LMAN2L: variants seen among roughly 807,000 people sequenced by gnomAD.
LMAN2L encodes the protein VIP36-like protein.
Under a neutral mutation model 44.3 loss-of-function variants are expected in LMAN2L, and 30 were observed. The observed-to-expected ratio is 0.68, with a 90% CI of 0.51 to 0.92. LMAN2L has a LOEUF of 0.92. Among genes scored for constraint, LMAN2L ranks in the 40% least tolerant of loss-of-function variants. The pLI, the probability that LMAN2L is intolerant of heterozygous loss-of-function variation, is 0.00. For synonymous variants in LMAN2L, 183 were observed against 171.1 expected (o/e 1.07, Z -0.54); for missense variants, 429 against 446.1 (o/e 0.96, Z 0.35).
Position 96,734,482 on chromosome 2 carries a change from G to A in LMAN2L, c.351C>T (p.Ile117=). Residue 117 remains isoleucine, a synonymous_variant, in exon 3 of 8, where the codon ATC becomes ATT. Transcript: ENST00000264963. The stretch of plus-strand genomic sequence containing the variant: ...GCAGATTCTTCTTTCCTTGTCCATG[G>A]ATTTTGAAGTGCACCTGCAACTCCC... ...RDWELQVHFK[I]HGQGKKNLHG... 6.2e-7 allele frequency: 1 copy of A among 1,613,796 alleles called. No individual in the cohort carries two copies. Among genetic ancestry groups the A allele is most frequent in the Non-Finnish European group, 8.5e-7 (1 of 1,179,682 alleles).
Position 96,739,879 on chromosome 2 carries a change from C to A in LMAN2L, c.162G>T (p.Glu54Asp). The change falls in exon 1 of 8, where the codon GAG becomes GAT. Residue 54 changes from glutamate to aspartate, a missense_variant. Glu to Asp is a conservative substitution (Grantham distance 45). Coordinates refer to ENST00000264963, the MANE Select transcript of LMAN2L (RefSeq NM_030805.4). ...CCTGGTAGGGCTTCGACAGCGAGTG[C>A]TCCCGTTTCAAGTACTCGAACGTTT... The part of the protein sequence containing the change: ...AGQTFEYLKR[E>D]HSLSKPYQGV... 6.2e-7 allele frequency: 1 copy of A among 1,613,962 alleles called. No homozygotes were observed. Among genetic ancestry groups the A allele is most frequent in the African/African-American group, 1.3e-5 (1 of 75,026 alleles).
intron 4 of LMAN2L, among the ~76,000 whole-genome samples, chr2:96,726,526 T>C (rs2078275142): frequency 6.6e-6 from 1 of 152,162 alleles, no homozygotes; most frequent in South Asian, 2.1e-4. Context: ...CTCACGCCTG[T>C]AATCCCAGCA....
In LMAN2L at chr2:96,706,611, C is replaced by A. The variant is rs2077786662; in HGVS notation, c.*645G>T. The A allele has an allele frequency of 6.6e-6, 1 of 152,400 alleles. No individual in the cohort carries two copies. The highest frequency in any genetic ancestry group is 1.9e-4 in the East Asian group (1 of 5,202). The allele number at this position is 152,400 out of a possible 1,614,324, so 9.4% of individuals were successfully genotyped here. A position where few individuals can be genotyped will look rare whatever the true frequency, so the allele number is the denominator to read the frequency against. On this transcript the variant is annotated 3_prime_UTR_variant, in exon 8 of 8. Coordinates refer to ENST00000264963, the MANE Select transcript of LMAN2L (RefSeq NM_030805.4). ...AGTGATCCAAAGCAGAAAGCCATCTCCCTAGGGCCACCTAATGAAGGCCAG... is the reference window on the plus strand; with the variant it reads ...AGTGATCCAAAGCAGAAAGCCATCTACCTAGGGCCACCTAATGAAGGCCAG...
At chr2:96,713,184 G>C in intron 4 of LMAN2L, 1 of 1,513,492 alleles carries the variant, frequency 6.6e-7, no homozygotes, top group Non-Finnish European at 9.0e-7. Flanking sequence ...AGAGGGCACA[G>C]AAGACAGGAG....
intron 4 of LMAN2L, among the ~76,000 whole-genome samples, chr2:96,732,501 G>A (rs1227957824): frequency 2.0e-5 from 3 of 151,782 alleles, no homozygotes; most frequent in African/African-American, 7.2e-5. Context: ...AAAGTTAGCT[G>A]GGTGTGGTGG....
At chr2:96,720,290 T>C (rs1377786685) in intron 4 of LMAN2L, among the ~76,000 whole-genome samples, 1 of 152,134 alleles carries the variant, frequency 6.6e-6, no homozygotes, top group Non-Finnish European at 1.5e-5. Flanking sequence ...TTACACTCTG[T>C]GCTCTCATTC....
chr2:96,728,460 C>T (rs1273060870), intron 4 of LMAN2L, among the ~76,000 whole-genome samples: 1 of 147,774 alleles, frequency 6.8e-6, no homozygotes. Context: ...GAGCTGAGAT[C>T]GCACCACTGC....
At chr2:96,715,904 CTG>C (rs1330570696) in intron 4 of LMAN2L, among the ~76,000 whole-genome samples, 1 of 152,168 alleles carries the variant, frequency 6.6e-6, no homozygotes, top group African/African-American at 2.4e-5. Context: ...TATTTCCTCA[CTG>C]TAAACAGAAC....
At position 96,715,440 on chromosome 2, in the gene LMAN2L, T is replaced by G. The variant is rs547171788; in HGVS notation, c.508-3415A>C. On this transcript the variant is annotated intron_variant, in intron 4 of 7. Transcript: ENST00000264963. ...CTTATTTTCTACGCCTAGTCAAGAGTTCCTGGAAGTATTTCTTGGATAACC... is the reference window on the plus strand; with the variant it reads ...CTTATTTTCTACGCCTAGTCAAGAGGTCCTGGAAGTATTTCTTGGATAACC... Among the ~76,000 whole-genome samples the G allele has an allele frequency of 7.2e-5, 11 of 152,284 alleles. No homozygotes were observed. The East Asian group carries it at 2.1e-3, about 29-fold the overall frequency.
At chr2:96,730,778 G>A (rs1309037707) in intron 4 of LMAN2L, among the ~76,000 whole-genome samples, 4 of 152,092 alleles carry the variant, frequency 2.6e-5, no homozygotes, top group African/African-American at 7.2e-5. Context: ...AGGTTCAAGC[G>A]ATTCTCCTGC....
chr2:96,723,812 G>A (rs1425908929), intron 4 of LMAN2L, among the ~76,000 whole-genome samples: 5 of 152,126 alleles, frequency 3.3e-5, no homozygotes, highest in African/African-American at 4.8e-5. Flanking sequence ...GATTAGACCG[G>A]GCACGGTGGC....
intron 4 of LMAN2L, among the ~76,000 whole-genome samples, chr2:96,721,235 G>A (rs898957460): frequency 1.3e-5 from 2 of 151,858 alleles, no homozygotes; most frequent in African/African-American, 2.4e-5. Context: ...TACAATGTGT[G>A]GGTCTTTTGT....
chr2:96,710,248 G>T (rs2077883502), intron 6 of LMAN2L, among the ~76,000 whole-genome samples: 1 of 152,184 alleles, frequency 6.6e-6, no homozygotes. Context: ...GACTACATAG[G>T]TGTAAATATT....
rs1409990921 is a variant in LMAN2L, at chr2:96,711,959, C to T, written c.574G>A (p.Gly192Arg). The change falls in exon 5 of 8, where the codon GGG (glycine) becomes AGG (arginine). Residue 192 changes from glycine (G) to arginine (R), a missense_variant. By Grantham distance (125) the Gly-to-Arg change is moderately radical. Coordinates refer to ENST00000264963, the MANE Select transcript of LMAN2L (RefSeq NM_030805.4). ...GSLSYDHERDGRPTELGGCTA... is the reference protein window; with the variant it reads ...GSLSYDHERDRRPTELGGCTA... ...CAGCCTCCCAGCTCTGTAGGCCGCC[C>T]ATCCCGCTCATGATCATAGCTGAGG... is the stretch of plus-strand genomic sequence containing the variant. The T allele has an allele frequency of 1.2e-6, 2 of 1,614,180 alleles. No homozygotes were observed. The highest frequency in any genetic ancestry group is 2.2e-5 in the South Asian group (2 of 91,090).
rs755603019 is a variant in LMAN2L, at chr2:96,706,504, C to T, written c.*752G>A. The stretch of plus-strand genomic sequence containing the variant: ...TCTTGATTTTTACACCAACCTTTAG[C>T]CAAACTTCACTGAGGGCCTGAAGAG... On this transcript the variant is annotated 3_prime_UTR_variant, in exon 8 of 8. Coordinates refer to ENST00000264963, the MANE Select transcript of LMAN2L (RefSeq NM_030805.4). The T allele has an allele frequency of 6.6e-6, 1 of 152,204 alleles. No homozygotes were observed. The highest frequency in any genetic ancestry group is 1.5e-5 in the Non-Finnish European group (1 of 68,050). 9.4% of individuals were successfully genotyped at this position (152,204 alleles called of 1,614,324 possible). A position where few individuals can be genotyped will look rare whatever the true frequency, so the allele number is the denominator to read the frequency against.
At position 96,707,319 on chromosome 2, in the gene LMAN2L, G is replaced by A. The variant is rs2077805304; in HGVS notation, c.984C>T (p.Ala328=). Residue 328 remains alanine (A), a synonymous_variant, in exon 8 of 8, where the codon GCC becomes GCT. Transcript: ENST00000264963. ...TGTAGAGTATGATACCAATGACTATGGCAAATACAGAAAACACCAGGGAGA... is the reference window on the plus strand; with the variant it reads ...TGTAGAGTATGATACCAATGACTATAGCAAATACAGAAAACACCAGGGAGA... ...VFFSLVFSVF[A]IVIGIILYNK... 1 of 1,613,934 alleles carries A rather than the reference G, an allele frequency of 6.2e-7. No individual in the cohort carries two copies. Among genetic ancestry groups the A allele is most frequent in the Non-Finnish European group, 8.5e-7 (1 of 1,179,978 alleles).
chr2:96,737,261 C>G, intron 2 of LMAN2L: 1 of 410,030 alleles, frequency 2.4e-6, no homozygotes, highest in Admixed American at 3.5e-5. Context: ...ACCAACAGCT[C>G]AGAGTGGCTT....
At position 96,737,938 on chromosome 2, in the gene LMAN2L, A is replaced by T. The variant is rs1404994421; in HGVS notation, c.306+11T>A. The T allele has an allele frequency of 6.3e-7, 1 of 1,580,416 alleles. No homozygotes were observed. Among genetic ancestry groups the T allele is most frequent in the Non-Finnish European group, 8.7e-7 (1 of 1,149,508 alleles). ...CTGGGTCACCAACACAGGAGGGAGA[A>T]AGATTCTTACCACCCGGTTCCACAA... On this transcript the variant is annotated intron_variant, in intron 2 of 7. Transcript: ENST00000264963.
intron 4 of LMAN2L, among the ~76,000 whole-genome samples, chr2:96,722,686 T>C (rs1028640596): frequency 1.3e-5 from 2 of 152,270 alleles, no homozygotes; most frequent in Non-Finnish European, 2.9e-5. Flanking sequence ...TATCCATTTC[T>C]TGGCTATTAT....
Sources: allele counts gnomAD v4.1 joint callset (sites outside exome capture counted in the v4.1 genomes callset), GRCh38; gene constraint gnomAD v4.1.1; transcripts MANE v1.5; gene names NCBI Gene and HGNC (gene_info 2026-07-23, HGNC 2026-07-21).